The following PDZD7 variants were observed in gnomAD, a reference collection of about 807,000 sequenced individuals.
The protein encoded by PDZD7 is PDZ domain containing 7, also known as PDZ domain-containing protein 7.
A neutral mutation model predicts 84.7 loss-of-function variants in PDZD7; 72 were observed. The ratio of observed to expected loss-of-function variants is 0.85; its 90% CI spans 0.70 to 1.03. PDZD7 has a LOEUF of 1.03. Ranked by LOEUF, PDZD7 falls within the 50% of genes least tolerant of loss-of-function variation. PDZD7 has a pLI of 0.00. For missense variants in PDZD7, 1,490 were observed against 1,412.9 expected (o/e 1.05, Z -0.87); for synonymous variants, 594 against 580.7 (o/e 1.02, Z -0.33).
At chr10:101,009,954 C>A (rs1033847446) in intron 15 of PDZD7, among the ~76,000 whole-genome samples, 2 of 152,090 alleles carry the variant, frequency 1.3e-5, no homozygotes, top group Admixed American at 6.5e-5. Context: ...AGTGGCGCAA[C>A]CTCAGTTGGG....
At chr10:101,016,738 C>T (rs1231189559) in intron 9 of PDZD7, among the ~76,000 whole-genome samples, 1 of 152,142 alleles carries the variant, frequency 6.6e-6, no homozygotes, top group East Asian at 1.9e-4. Context: ...TACCTACCTT[C>T]AGGGGACAGA....
rs148695069 is a variant in PDZD7 at position 101,023,988 on chromosome 10, C to G, written c.307G>C (p.Gly103Arg). ...ATGCCCAGGCCATGCTCTGAGCCCC[C>G]GCGCACGCTGAAGCCCAGCCTCCCT... is the stretch of plus-strand genomic sequence containing the variant. ...PAGRLGFSVRGGSEHGLGIFV... is the reference protein window; with the variant it reads ...PAGRLGFSVRRGSEHGLGIFV... The change falls in exon 3 of 17, where the codon GGG becomes CGG. Residue 103 changes from glycine (G) to arginine (R), a missense_variant. Coordinates refer to ENST00000619208, the MANE Select transcript of PDZD7 (RefSeq NM_001195263.2). 1.1e-5 allele frequency: 18 copies of G among 1,614,152 alleles called. 1 individual carries two copies. The highest frequency in any genetic ancestry group is 1.6e-4 in the Middle Eastern group (1 of 6,084).
Position 101,030,191 on chromosome 10 carries a change from T to C in PDZD7, c.29A>G (p.Asp10Gly), listed in dbSNP as rs779930368. 5 of 1,612,332 alleles carry C rather than the reference T, an allele frequency of 3.1e-6. No homozygotes were observed. The East Asian group carries it at 8.9e-5, about 29-fold the overall frequency. The change falls in exon 2 of 17, where the codon GAC (aspartate) becomes GGC (glycine). Residue 10 changes from aspartate (D) to glycine (G), a missense_variant. Transcript: ENST00000619208. ...GCTCAGGTCTCCTAGGCCCAGTGGG[T>C]CGAAGCCCACTGCGAAACCCTGCGC... MAQGFAVGF[D>G]PLGLGDLSSG...
In PDZD7 at chr10:101,024,004, C is replaced by T; in HGVS notation, c.291G>A (p.Leu97=). Residue 97 remains leucine, a synonymous_variant, in exon 3 of 17, where the codon CTG becomes CTA. Coordinates refer to ENST00000619208, the MANE Select transcript of PDZD7 (RefSeq NM_001195263.2). ...VRVEKSPAGR[L]GFSVRGGSEH... ...CTGAGCCCCCGCGCACGCTGAAGCC[C>T]AGCCTCCCTGCTGGACTCTTCTCCA... The T allele has an allele frequency of 1.9e-6, 3 of 1,614,272 alleles. No individual in the cohort carries two copies. The highest frequency in any genetic ancestry group is 2.5e-6 in the Non-Finnish European group (3 of 1,180,052).
Position 101,008,680 on chromosome 10 carries a change from G to A in PDZD7, c.2889C>T (p.Ala963=), listed in dbSNP as rs1852294117. 18 of 1,535,932 alleles carry A rather than the reference G, an allele frequency of 1.2e-5. No homozygotes were observed. Among genetic ancestry groups the A allele is most frequent in the Non-Finnish European group, 1.3e-5 (15 of 1,146,872 alleles). ...CAGCAGGAAGGCCCCCATCAGTAAGGGCTGATGAGTCAGAGGGTGAGGGCC... is the reference window on the plus strand; with the variant it reads ...CAGCAGGAAGGCCCCCATCAGTAAGAGCTGATGAGTCAGAGGGTGAGGGCC... ...SPRPSPSDSS[A]LTDGGLPADH... Residue 963 remains alanine (A), a synonymous_variant, in exon 17 of 17, where the codon GCC becomes GCT. Transcript: ENST00000619208.
Position 101,012,221 on chromosome 10 carries a change from G to A in PDZD7, c.1787C>T (p.Pro596Leu). ...HEGGIEDLVRPLLAILDRPEK... is the reference protein window; with the variant it reads ...HEGGIEDLVRLLLAILDRPEK... ...CGGCCTGTCGAGGATGGCCAGCAGG[G>A]GCCTCACCAGGTCCTCTATGCCTCC... Residue 596 changes from proline (P) to leucine (L), a missense_variant, in exon 12 of 17, where the codon CCC (proline) becomes CTC (leucine). Transcript: ENST00000619208. The A allele has an allele frequency of 6.5e-7, 1 of 1,550,370 alleles. No homozygotes were observed. Among genetic ancestry groups the A allele is most frequent in the South Asian group, 1.2e-5 (1 of 84,060 alleles).
Position 101,008,155 on chromosome 10 carries a change from C to A in PDZD7, c.*312G>T. 2 of 433,450 alleles carry A rather than the reference C, an allele frequency of 4.6e-6. No individual in the cohort carries two copies. The highest frequency in any genetic ancestry group is 8.2e-6 in the Non-Finnish European group (2 of 243,716). 26.9% of individuals were successfully genotyped at this position (433,450 alleles called of 1,614,324 possible). ...GGCTTGGGCGACTCATAAGGGACAGCATGTGAGAAAGTGCCCACCAATCCC... is the reference window on the plus strand; with the variant it reads ...GGCTTGGGCGACTCATAAGGGACAGAATGTGAGAAAGTGCCCACCAATCCC... On this transcript the variant is annotated 3_prime_UTR_variant, in exon 17 of 17. Coordinates refer to ENST00000619208, the MANE Select transcript of PDZD7 (RefSeq NM_001195263.2).
chr10:101,017,514 A>G (rs1012033799), intron 9 of PDZD7: 9 of 679,162 alleles, frequency 1.3e-5, no homozygotes, highest in Non-Finnish European at 2.1e-5. Flanking sequence ...CAGGTGTGGT[A>G]GATCACGCTG....
intron 8 of PDZD7, 34 bp downstream of exon 8, chr10:101,018,788 T>C: frequency 6.4e-7 from 1 of 1,551,628 alleles, no homozygotes; most frequent in Non-Finnish European, 8.7e-7. Flanking sequence ...CCAGAGGCTG[T>C]GGAGGGAGCA....
Position 101,023,587 on chromosome 10 carries a change from C to A in PDZD7, c.391G>T (p.Asp131Tyr), listed in dbSNP as rs1853253145. ...SAERAGLCVG[D>Y]KITEVNGLSL... ...AGCCCATTCACCTCCGTGATCTTGT[C>A]CCCCACGCACAGGCCAGCCCGCTCT... The change falls in exon 4 of 17, where the codon GAC (aspartate) becomes TAC (tyrosine). Residue 131 changes from aspartate (D) to tyrosine (Y), a missense_variant. By Grantham distance (160) the Asp-to-Tyr change is radical (BLOSUM62 -3). Transcript: ENST00000619208. 1 of 1,613,124 alleles carries A rather than the reference C, an allele frequency of 6.2e-7. No individual in the cohort carries two copies. Among genetic ancestry groups the A allele is most frequent in the Non-Finnish European group, 8.5e-7 (1 of 1,180,028 alleles).
chr10:101,013,587 G>A (rs1174907792), intron 11 of PDZD7, among the ~76,000 whole-genome samples: 1 of 152,220 alleles, frequency 6.6e-6, no homozygotes, highest in Non-Finnish European at 1.5e-5. Flanking sequence ...TTTAAACGTG[G>A]CCATGGGGTC....
intron 11 of PDZD7, among the ~76,000 whole-genome samples, 181 bp downstream of exon 11, chr10:101,015,455 A>C (rs1852573350): frequency 6.9e-6 from 1 of 145,104 alleles, no homozygotes; most frequent in African/African-American, 2.5e-5. Context: ...TCTTCCTGTG[A>C]GCTGGCAGAT....
chr10:101,018,060 C>T, intron 9 of PDZD7, 39 bp downstream of exon 9: 1 of 1,613,810 alleles, frequency 6.2e-7, no homozygotes, highest in Non-Finnish European at 8.5e-7. Flanking sequence ...AGCTAGTGGA[C>T]TTCACTTTGC....
chr10:101,011,745 C>T lies in PDZD7; in HGVS notation c.1950G>A (p.Leu650=), dbSNP rs1852399614. 11 of 1,548,232 alleles carry T rather than the reference C, an allele frequency of 7.1e-6. No individual in the cohort carries two copies. In the East Asian group the frequency reaches 2.4e-4, roughly 34 times the overall value. Residue 650 remains leucine (L), a synonymous_variant, in exon 14 of 17, where the codon TTG becomes TTA. Coordinates refer to ENST00000619208, the MANE Select transcript of PDZD7 (RefSeq NM_001195263.2). Reference sequence around the variant, plus strand: ...GTGGCGTGTCCTGCCGGGCTGGTCTCAAAGCAGGAGGCCGGACTGGTTGGA... The same window carrying T: ...GTGGCGTGTCCTGCCGGGCTGGTCTTAAAGCAGGAGGCCGGACTGGTTGGA... ...LKSRAVRPPA[L]RPARQDTPPK...
chr10:101,021,698 G>T, intron 6 of PDZD7, 100 bp downstream of exon 6: 1 of 1,548,808 alleles, frequency 6.5e-7, no homozygotes, highest in Non-Finnish European at 8.9e-7. Context: ...TCTAGTGGCT[G>T]TGGGAACGTC....
intron 11 of PDZD7, among the ~76,000 whole-genome samples, chr10:101,013,083 T>C (rs807019): frequency 0.84 from 127,297 of 152,262 alleles, 53,305 homozygotes; most frequent in African/African-American, 0.85. Context: ...AGAGCATGCC[T>C]TGGTGGTCAG....
Position 101,008,844 on chromosome 10 carries a change from A to G in PDZD7, c.2725T>C (p.Phe909Leu), listed in dbSNP as rs2133993165. The G allele has an allele frequency of 6.7e-7, 1 of 1,495,924 alleles. No homozygotes were observed. Among genetic ancestry groups the G allele is most frequent in the Non-Finnish European group, 8.9e-7 (1 of 1,122,844 alleles). 92.7% of individuals were successfully genotyped at this position (1,495,924 alleles called of 1,614,324 possible). ...AFLSGALQAG[F>L]ELVAVDGENL... ...TCTCCGTCCACTGCCACAAGCTCGA[A>G]GCCAGCCTAGGGTGGGGTGAGAGAG... The change falls in exon 17 of 17, where the codon TTC (phenylalanine) becomes CTC (leucine). Residue 909 changes from phenylalanine to leucine, a missense_variant. Physicochemically the swap from Phe to Leu is conservative, Grantham distance 22. Coordinates refer to ENST00000619208, the MANE Select transcript of PDZD7 (RefSeq NM_001195263.2).
chr10:101,016,457 G>A (rs748400670), intron 9 of PDZD7, 30 bp from the exon 10 acceptor site: 1 of 1,550,270 alleles, frequency 6.5e-7, no homozygotes, highest in Non-Finnish European at 8.7e-7. Context: ...TCAGCTGCAG[G>A]CCTTGGCCCC....
intron 1 of PDZD7, chr10:101,030,843 C>G (rs1420374355): frequency 6.1e-6 from 1 of 163,760 alleles, no homozygotes; most frequent in Non-Finnish European, 1.4e-5. Context: ...AGCTGAGGCC[C>G]AGGAAGACCC....
Sources: gnomAD v4.1 joint callset for allele counts (sites outside exome capture counted in the v4.1 genomes callset) on GRCh38, gnomAD v4.1.1 for gene constraint, MANE v1.5 for transcripts, NCBI Gene and HGNC (gene_info 2026-07-23, HGNC 2026-07-21) for gene names.